The following GABRG3 variants were observed in gnomAD, a reference collection of about 807,000 sequenced individuals.
GABRG3 encodes gamma-aminobutyric acid receptor subunit gamma-3.
In GABRG3, 25 loss-of-function variants were observed where a neutral mutation model predicts 48.8. The observed-to-expected ratio is 0.51, with a 90% CI of 0.37 to 0.72. The LOEUF is 0.72. GABRG3 is among the 30% of genes least tolerant of loss of function. The pLI, the probability that GABRG3 is intolerant of heterozygous loss-of-function variation, is 0.00. For missense variants in GABRG3, 394 were observed against 577.9 expected (o/e 0.68, Z 3.26); for synonymous variants, 227 against 217.6 (o/e 1.04, Z -0.38).
intron 5 of GABRG3, among the ~76,000 whole-genome samples, chr15:27,383,449 T>G (rs1170730703): frequency 2.0e-5 from 3 of 152,232 alleles, no homozygotes; most frequent in East Asian, 3.9e-4. Flanking sequence ...GCAACTCATT[T>G]ATGCCTCAGT....
intron 3 of GABRG3, among the ~76,000 whole-genome samples, chr15:27,032,569 C>A (rs572165939): frequency 1.8e-4 from 27 of 152,178 alleles, no homozygotes; most frequent in African/African-American, 5.8e-4. Flanking sequence ...TGAGAGGGAG[C>A]AAGAGAGAGA....
intron 5 of GABRG3, among the ~76,000 whole-genome samples, chr15:27,333,905 G>A (rs1478428301): frequency 1.3e-5 from 2 of 152,214 alleles, no homozygotes; most frequent in East Asian, 3.9e-4. Flanking sequence ...AAATAAAAAG[G>A]CAAAATACAA....
chr15:27,470,624 T>C (rs1029458540), intron 5 of GABRG3, among the ~76,000 whole-genome samples: 1 of 152,038 alleles, frequency 6.6e-6, no homozygotes, highest in Non-Finnish European at 1.5e-5. Flanking sequence ...GGATTTTTGG[T>C]CTTATTTTTC....
rs143732951 is a variant in GABRG3 at position 27,329,760 on chromosome 15, C to T, written c.574+872C>T. 7.9e-5 allele frequency among the ~76,000 whole-genome samples: 12 copies of T among 152,298 alleles called. No individual in the cohort carries two copies. In the East Asian group the frequency reaches 2.3e-3, roughly 29 times the overall value. ...TACAAGTTCTTAAAGACAACATCTA[C>T]TGCTTAGTATAAGAGTACATATAAA... On this transcript the variant is annotated intron_variant, in intron 5 of 9. Transcript: ENST00000615808.
At chr15:27,487,378 C>G (rs1051160866) in intron 6 of GABRG3, among the ~76,000 whole-genome samples, 12 of 152,086 alleles carry the variant, frequency 7.9e-5, no homozygotes, top group Non-Finnish European at 1.6e-4. Context: ...TTATTTGGCT[C>G]TCGCTCTATA....
intron 3 of GABRG3, among the ~76,000 whole-genome samples, chr15:27,072,093 A>C (rs8030329): frequency 0.21 from 31,403 of 152,092 alleles, 3,404 homozygotes; most frequent in Middle Eastern, 0.27. Context: ...GAGCCTTTCG[A>C]AGTACCCCAC....
At chr15:27,388,758 G>A (rs1677972067) in intron 5 of GABRG3, among the ~76,000 whole-genome samples, 1 of 152,036 alleles carries the variant, frequency 6.6e-6, no homozygotes, top group African/African-American at 2.4e-5. Context: ...AAATACCATG[G>A]GCCCCAAGAA....
chr15:27,045,320 G>A (rs1281529459), intron 3 of GABRG3, among the ~76,000 whole-genome samples: 2 of 152,122 alleles, frequency 1.3e-5, no homozygotes, highest in Non-Finnish European at 1.5e-5. Context: ...GCTAGGTGCC[G>A]CACAGCACAC....
At chr15:27,149,166 T>C (rs1411810960) in intron 3 of GABRG3, among the ~76,000 whole-genome samples, 1 of 152,052 alleles carries the variant, frequency 6.6e-6, no homozygotes, top group African/African-American at 2.4e-5. Context: ...GGATACAAAA[T>C]CAATATAAAC....
chr15:27,237,313 G>T (rs534752631), intron 3 of GABRG3, among the ~76,000 whole-genome samples: 1 of 152,352 alleles, frequency 6.6e-6, no homozygotes, highest in Non-Finnish European at 1.5e-5. Flanking sequence ...TGTAAGTATG[G>T]ATTTTAAAAG....
At chr15:27,427,295 T>C (rs979427740) in intron 5 of GABRG3, among the ~76,000 whole-genome samples, 7 of 152,210 alleles carry the variant, frequency 4.6e-5, no homozygotes, top group Admixed American at 1.3e-4. Flanking sequence ...AGGTATATAT[T>C]TTCCAGTCCA....
intron 3 of GABRG3, among the ~76,000 whole-genome samples, chr15:27,087,717 G>A (rs1324020250): frequency 6.6e-6 from 1 of 152,096 alleles, no homozygotes; most frequent in Non-Finnish European, 1.5e-5. Context: ...ATGTATGTGT[G>A]TGGTATGTAC....
chr15:27,056,581 TG>T (rs1179639910), intron 3 of GABRG3, among the ~76,000 whole-genome samples: 1 of 151,868 alleles, frequency 6.6e-6, no homozygotes, highest in Non-Finnish European at 1.5e-5. Context: ...AGAATGAAAC[TG>T]GGGTGTGTGG....
chr15:27,199,741 A>C (rs1452571817), intron 3 of GABRG3, among the ~76,000 whole-genome samples: 1 of 152,176 alleles, frequency 6.6e-6, no homozygotes, highest in Non-Finnish European at 1.5e-5. Flanking sequence ...GTAGAACCAT[A>C]AACCAAATAA....
In GABRG3 at chr15:27,537,281, G is replaced by A. The variant is rs1185508263; in HGVS notation, c.*4400G>A. ...TATTCAGAAAGGTTCCGGAAATACG[G>A]GGGAAAGAACCAGACTACGAATACA... is the stretch of plus-strand genomic sequence containing the variant. On this transcript the variant is annotated 3_prime_UTR_variant, in exon 10 of 10. Transcript: ENST00000615808. 1 of 152,140 alleles carries A rather than the reference G, an allele frequency of 6.6e-6. No individual in the cohort carries two copies. Among genetic ancestry groups the A allele is most frequent in the Non-Finnish European group, 1.5e-5 (1 of 68,034 alleles). The allele number at this position is 152,140 out of a possible 1,614,324, so 9.4% of individuals were successfully genotyped here.
At chr15:27,056,772 T>G (rs1388866363) in intron 3 of GABRG3, among the ~76,000 whole-genome samples, 1 of 152,164 alleles carries the variant, frequency 6.6e-6, no homozygotes, top group African/African-American at 2.4e-5. Context: ...GTTGTTGATT[T>G]ATTCTGCAAT....
At chr15:27,410,364 T>C (rs1310419389) in intron 5 of GABRG3, among the ~76,000 whole-genome samples, 1 of 152,158 alleles carries the variant, frequency 6.6e-6, no homozygotes, top group Non-Finnish European at 1.5e-5. Flanking sequence ...TTGTACTTTT[T>C]TAGTTTAGCT....
At position 27,419,993 on chromosome 15, in the gene GABRG3, T is replaced by C. The variant is rs570106933; in HGVS notation, c.575-60657T>C. Among the ~76,000 whole-genome samples the C allele has an allele frequency of 1.5e-4, 23 of 152,330 alleles. No individual in the cohort carries two copies. In the East Asian group the frequency reaches 2.9e-3, roughly 19 times the overall value. On this transcript the variant is annotated intron_variant, in intron 5 of 9. Transcript: ENST00000615808. Reference sequence around the variant, plus strand: ...AATCATAATCTGTTTTCCACTAACTTAAACACTGGGGTGTTACCATTCTGG... The same window carrying C: ...AATCATAATCTGTTTTCCACTAACTCAAACACTGGGGTGTTACCATTCTGG...
intron 6 of GABRG3, among the ~76,000 whole-genome samples, chr15:27,518,952 T>C (rs1595807155): frequency 6.6e-6 from 1 of 151,948 alleles, no homozygotes; most frequent in Non-Finnish European, 1.5e-5. Flanking sequence ...TTGGACTAGA[T>C]GGGGAAAGGA....
Sources: gnomAD v4.1 joint callset for allele counts (sites outside exome capture counted in the v4.1 genomes callset) on GRCh38, gnomAD v4.1.1 for gene constraint, MANE v1.5 for transcripts, NCBI Gene and HGNC (gene_info 2026-07-23, HGNC 2026-07-21) for gene names.